The following HPSE2 variants were observed in gnomAD, a reference collection of about 807,000 sequenced individuals.
HPSE2 encodes the protein inactive heparanase-2.
Under a neutral mutation model 60.5 loss-of-function variants are expected in HPSE2, and 38 were observed. That is an observed-to-expected ratio of 0.63 (90% confidence interval 0.48 to 0.82). The LOEUF (loss-of-function observed/expected upper bound fraction) is 0.82. HPSE2 is among the 40% of genes least tolerant of loss of function. The pLI, the probability that HPSE2 is intolerant of heterozygous loss-of-function variation, is 0.00. For missense variants in HPSE2, 713 were observed against 740.4 expected (o/e 0.96, Z 0.43); for synonymous variants, 295 against 293.2 (o/e 1.01, Z -0.06).
intron 2 of HPSE2, among the ~76,000 whole-genome samples, chr10:99,192,748 T>C (rs1848264321): frequency 6.6e-6 from 1 of 152,126 alleles, no homozygotes; most frequent in Admixed American, 6.5e-5. Context: ...ATATTTAAAG[T>C]GCTAAAGAAA....
intron 2 of HPSE2, among the ~76,000 whole-genome samples, chr10:99,228,986 C>T (rs568644442): frequency 2.6e-4 from 39 of 151,914 alleles, no homozygotes; most frequent in Non-Finnish European, 3.5e-4. Context: ...ACCAGCCTGG[C>T]CAACATGGTG....
the HPSE2 span, among the ~76,000 whole-genome samples, chr10:99,252,868 C>A: frequency 1.0e-5 from 1 of 95,908 alleles, no homozygotes; most frequent in East Asian, 2.9e-4. Context: ...CAGAGCGAGA[C>A]TCCGTCTCAA....
chr10:98,852,167 ATATATGTT>A, intron 3 of HPSE2, among the ~76,000 whole-genome samples: 1 of 81,626 alleles, frequency 1.2e-5, no homozygotes, highest in East Asian at 4.0e-4. Flanking sequence ...GTGTGTGTGT[ATATATGTT>A]TGGTTTTCAT....
At chr10:98,663,135 C>T (rs181969694) in intron 6 of HPSE2, among the ~76,000 whole-genome samples, 95 of 152,222 alleles carry the variant, frequency 6.2e-4, no homozygotes, top group South Asian at 1.5e-3. Context: ...CTGGGCATAA[C>T]GAAAATCAGT....
intron 2 of HPSE2, among the ~76,000 whole-genome samples, chr10:99,162,157 C>T (rs1846870709): frequency 6.6e-6 from 1 of 152,158 alleles, no homozygotes; most frequent in Non-Finnish European, 1.5e-5. Context: ...GAATCATACA[C>T]TCAAATGGTA....
intron 9 of HPSE2, among the ~76,000 whole-genome samples, chr10:98,605,802 C>T (rs912382608): frequency 3.3e-5 from 5 of 152,160 alleles, no homozygotes; most frequent in African/African-American, 9.7e-5. Context: ...AGTGGGTGGA[C>T]CATACCTCAG....
chr10:98,765,902 AGCT>A (rs1205279574), intron 3 of HPSE2, among the ~76,000 whole-genome samples: 2 of 152,154 alleles, frequency 1.3e-5, no homozygotes, highest in African/African-American at 4.8e-5. Flanking sequence ...TACCTTAAGA[AGCT>A]ATAAAAAGAA....
chr10:98,475,402 A>AGCC (rs1440477572), intron 11 of HPSE2, among the ~76,000 whole-genome samples: 1 of 152,174 alleles, frequency 6.6e-6, no homozygotes, highest in Non-Finnish European at 1.5e-5. Flanking sequence ...TACAGGCGTG[A>AGCC]GCCACCGTGC....
At chr10:99,251,604 C>A in the HPSE2 span, among the ~76,000 whole-genome samples, 1 of 37,716 alleles carries the variant, frequency 2.7e-5, no homozygotes. Context: ...ACTAGCAAAC[C>A]GAATCCAGCA....
intron 3 of HPSE2, among the ~76,000 whole-genome samples, chr10:98,959,099 T>C (rs995086182): frequency 1.3e-5 from 2 of 152,042 alleles, no homozygotes; most frequent in African/African-American, 4.8e-5. Context: ...TGAAAGGCAA[T>C]ATATTTACTA....
chr10:99,048,298 G>T, intron 3 of HPSE2: 2 of 435,994 alleles, frequency 4.6e-6, no homozygotes, highest in South Asian at 2.1e-5. Context: ...AAGGTGGAAT[G>T]AAGAAAAAGA....
chr10:99,283,530 AT>A, the HPSE2 span, among the ~76,000 whole-genome samples: 24 of 151,854 alleles, frequency 1.6e-4, no homozygotes, highest in East Asian at 2.3e-3. Context: ...TTAAAAAAAA[AT>A]TTTTTTAAAG....
chr10:98,686,583 C>G (rs1282480746), intron 6 of HPSE2, among the ~76,000 whole-genome samples: 1 of 151,968 alleles, frequency 6.6e-6, no homozygotes, highest in Non-Finnish European at 1.5e-5. Context: ...TTAAAATTCT[C>G]CTTAGAGATG....
intron 3 of HPSE2, among the ~76,000 whole-genome samples, chr10:98,819,493 A>T (rs1951372877): frequency 6.6e-6 from 1 of 151,256 alleles, no homozygotes; most frequent in South Asian, 2.1e-4. Context: ...TTAGGAAAAC[A>T]TCATGTGGCC....
At chr10:98,689,538 A>G (rs919590733) in intron 6 of HPSE2, among the ~76,000 whole-genome samples, 2 of 152,232 alleles carry the variant, frequency 1.3e-5, no homozygotes, top group Admixed American at 6.5e-5. Flanking sequence ...AATATGAGTT[A>G]TAATAGCTTC....
At chr10:98,499,723 T>C (rs759544662) in intron 9 of HPSE2, among the ~76,000 whole-genome samples, 18 of 152,194 alleles carry the variant, frequency 1.2e-4, no homozygotes, top group Non-Finnish European at 2.6e-4. Context: ...ACTTAAAAGA[T>C]ACAGAACTGT....
At chr10:98,839,247 G>A (rs578006737) in intron 3 of HPSE2, among the ~76,000 whole-genome samples, 67 of 152,144 alleles carry the variant, frequency 4.4e-4, no homozygotes, top group African/African-American at 1.3e-3. Flanking sequence ...ATTAATGACC[G>A]GTAACCAAAC....
chr10:98,923,031 A>C (rs1954329819), intron 3 of HPSE2, among the ~76,000 whole-genome samples: 1 of 152,218 alleles, frequency 6.6e-6, no homozygotes, highest in South Asian at 2.1e-4. Flanking sequence ...GCTCAATAAC[A>C]TCATTTTCTT....
At chr10:99,283,661 A>T in the HPSE2 span, among the ~76,000 whole-genome samples, 1 of 152,146 alleles carries the variant, frequency 6.6e-6, no homozygotes, top group Non-Finnish European at 1.5e-5. Context: ...ATCAGAAATG[A>T]AAAAGGGGAC....
Sources: gnomAD v4.1 joint callset for allele counts (sites outside exome capture counted in the v4.1 genomes callset) on GRCh38, gnomAD v4.1.1 for gene constraint, MANE v1.5 for transcripts, NCBI Gene and HGNC (gene_info 2026-07-23, HGNC 2026-07-21) for gene names.